Variants in YAP1 observed in about 807,000 individuals in gnomAD.
The protein encoded by YAP1 is Yes1 associated transcriptional regulator.
YAP1 carries 5 observed loss-of-function variants against 56.9 expected under a neutral mutation model. The observed-to-expected ratio is 0.09, with a 90% CI of 0.05 to 0.18. The LOEUF is 0.18. Ranked by LOEUF, YAP1 falls within the 10% of genes least tolerant of loss-of-function variation. The probability of loss-of-function intolerance (pLI) is 1.00; values close to 1 mark genes in which losing one functional copy is unlikely to be tolerated. For missense variants in YAP1, 539 were observed against 651.8 expected, an observed-to-expected ratio of 0.83 and a Z score of 1.88; for synonymous variants, 265 against 248.1, an observed-to-expected ratio of 1.07 and a Z score of -0.64.
intron 2 of YAP1, among the ~76,000 whole-genome samples, chr11:102,129,639 A>T (rs943989997): frequency 8.5e-5 from 11 of 129,508 alleles, no homozygotes; most frequent in Non-Finnish European, 1.4e-4. Flanking sequence ...AAAAAAAAAA[A>T]ATTTACCCAT....
In YAP1 at chr11:102,130,143, G is replaced by A. The variant is rs964722320; in HGVS notation, c.572+15749G>A. ...GCACCATATAGCAGTCAGAGAAGAGGGTTTTCTGAGTCATAAATATTGACT... is the reference window on the plus strand; with the variant it reads ...GCACCATATAGCAGTCAGAGAAGAGAGTTTTCTGAGTCATAAATATTGACT... On this transcript the variant is annotated intron_variant, in intron 2 of 8. Coordinates refer to ENST00000282441, the MANE Select transcript of YAP1 (RefSeq NM_001130145.3). Among the ~76,000 whole-genome samples, 11 of 151,720 alleles carry A rather than the reference G, an allele frequency of 7.3e-5. No homozygotes were observed. In the East Asian group the frequency reaches 1.2e-3, roughly 16 times the overall value.
chr11:102,196,654 A>C (rs1390940997), intron 4 of YAP1, among the ~76,000 whole-genome samples: 1 of 149,938 alleles, frequency 6.7e-6, no homozygotes, highest in East Asian at 1.9e-4. Context: ...GAAGTGATGA[A>C]AATGTTCTGA....
intron 2 of YAP1, among the ~76,000 whole-genome samples, chr11:102,155,035 C>T (rs1945861600): frequency 6.6e-6 from 1 of 152,142 alleles, no homozygotes; most frequent in African/African-American, 2.4e-5. Context: ...TAATGGTGGC[C>T]TGTTATATAT....
chr11:102,129,795 CTT>C (rs773044206), intron 2 of YAP1, among the ~76,000 whole-genome samples: 32 of 102,044 alleles, frequency 3.1e-4, no homozygotes, highest in African/African-American at 6.8e-4. Flanking sequence ...GGAAGCAAAA[CTT>C]TTTTTTTTTT....
In YAP1 at chr11:102,133,090, A is replaced by T. The variant is rs1046108773; in HGVS notation, c.572+18696A>T. Among the ~76,000 whole-genome samples, 3 of 152,192 alleles carry T rather than the reference A, an allele frequency of 2.0e-5. No homozygotes were observed. The East Asian group carries it at 5.8e-4, about 29-fold the overall frequency. ...GGAGAATCACTTGAACCAGAGAGTT[A>T]GAGGTTGCAGTGAGCCAAGATGGCG... On this transcript the variant is annotated intron_variant, in intron 2 of 8. Transcript: ENST00000282441.
At position 102,231,233 on chromosome 11, in the gene YAP1, A is replaced by G. The variant is rs1412465738; in HGVS notation, c.*1293A>G. The G allele has an allele frequency of 6.6e-6, 1 of 152,256 alleles. No homozygotes were observed. Among genetic ancestry groups the G allele is most frequent in the African/African-American group, 2.4e-5 (1 of 41,472 alleles). The allele number at this position is 152,256 out of a possible 1,614,324, so 9.4% of individuals were successfully genotyped here. ...ATTGGAATTCAGTGAGTAGGTTCATAATGTGCATGACAGAAATAAGCTTTA... is the reference window on the plus strand; with the variant it reads ...ATTGGAATTCAGTGAGTAGGTTCATGATGTGCATGACAGAAATAAGCTTTA... On this transcript the variant is annotated 3_prime_UTR_variant, in exon 9 of 9. Transcript: ENST00000282441.
intron 3 of YAP1, among the ~76,000 whole-genome samples, chr11:102,181,009 G>T (rs940122373): frequency 6.6e-6 from 1 of 151,980 alleles, no homozygotes; most frequent in South Asian, 2.1e-4. Context: ...ATAGCTGAGC[G>T]TGGTGGTGTG....
intron 2 of YAP1, among the ~76,000 whole-genome samples, chr11:102,153,838 A>AT (rs1945797641): frequency 6.6e-6 from 1 of 151,038 alleles, no homozygotes; most frequent in Non-Finnish European, 1.5e-5. Flanking sequence ...ATTCCTCTCC[A>AT]TACAGAGGAA....
chr11:102,198,911 G>C (rs1458463284), intron 4 of YAP1, among the ~76,000 whole-genome samples: 1 of 151,940 alleles, frequency 6.6e-6, no homozygotes, highest in Non-Finnish European at 1.5e-5. Context: ...TTTCTATTTA[G>C]ACCTTGTAGG....
At chr11:102,210,057 A>G (rs1270324861) in intron 6 of YAP1, among the ~76,000 whole-genome samples, 1 of 152,166 alleles carries the variant, frequency 6.6e-6, no homozygotes, top group Non-Finnish European at 1.5e-5. Context: ...TCAGGAGAGT[A>G]TCTGCCTGGA....
chr11:102,218,478 A>G (rs1479735197), intron 6 of YAP1, among the ~76,000 whole-genome samples: 1 of 152,070 alleles, frequency 6.6e-6, no homozygotes, highest in Non-Finnish European at 1.5e-5. Context: ...ACAGCCTTCC[A>G]TTTTTCTTCT....
At chr11:102,227,391 C>A in intron 7 of YAP1, 78 bp from the exon 8 acceptor site, 1 of 944,670 alleles carries the variant, frequency 1.1e-6, no homozygotes, top group Non-Finnish European at 1.7e-6. Context: ...TATGTTGCTG[C>A]TCAGCAGGTG....
intron 2 of YAP1, among the ~76,000 whole-genome samples, chr11:102,148,653 ATTAT>A (rs1945458835): frequency 6.6e-6 from 1 of 152,140 alleles, no homozygotes; most frequent in African/African-American, 2.4e-5. Flanking sequence ...TTTTTAAGAT[ATTAT>A]TTCTCTTACT....
Position 102,110,914 on chromosome 11 carries a change from G to A in YAP1, c.66G>A (p.Gln22=), listed in dbSNP as rs1289245777. 1.4e-6 allele frequency: 2 copies of A among 1,434,082 alleles called. No homozygotes were observed. Among genetic ancestry groups the A allele is most frequent in the Admixed American group, 5.8e-5 (2 of 34,624 alleles). 88.8% of individuals were successfully genotyped at this position (1,434,082 alleles called of 1,614,324 possible). The stretch of plus-strand genomic sequence containing the variant: ...AGGGCCAAGGGCAGCCGCCTTCGCA[G>A]CCCCCGCAGGGGCAGGGCCCGCCGT... ...APQGQGQPPS[Q]PPQGQGPPSG... The change falls in exon 1 of 9, where the codon CAG becomes CAA. Residue 22 remains glutamine (Q), a synonymous_variant. Transcript: ENST00000282441.
intron 3 of YAP1, among the ~76,000 whole-genome samples, chr11:102,164,033 AAT>A: frequency 6.6e-6 from 1 of 151,294 alleles, no homozygotes. Context: ...CTTAAGTAAA[AAT>A]TTTTTTTTTT....
rs529196901 is a variant in YAP1 at position 102,116,181 on chromosome 11, T to C, written c.572+1787T>C. 1.2e-4 allele frequency among the ~76,000 whole-genome samples: 19 copies of C among 152,350 alleles called. No individual in the cohort carries two copies. The East Asian group carries it at 3.1e-3, about 25-fold the overall frequency. On this transcript the variant is annotated intron_variant, in intron 2 of 8. Coordinates refer to ENST00000282441, the MANE Select transcript of YAP1 (RefSeq NM_001130145.3). ...TGATTGAAAATATTTGGAAACAAAT[T>C]ACATCTGTATTGACTAATGTACAAA...
intron 4 of YAP1, 24 bp from the exon 5 acceptor site, chr11:102,205,869 A>ATTTTTT: frequency 2.9e-6 from 4 of 1,401,102 alleles, no homozygotes; most frequent in Non-Finnish European, 3.8e-6. Flanking sequence ...TTTAGGACAG[A>ATTTTTT]TTTTTTTTTT....
chr11:102,131,841 T>C (rs1944384327), intron 2 of YAP1, among the ~76,000 whole-genome samples: 1 of 152,210 alleles, frequency 6.6e-6, no homozygotes, highest in African/African-American at 2.4e-5. Flanking sequence ...TGTGGTATTA[T>C]AAATTTTGTT....
chr11:102,224,138 C>T (rs1950081843), intron 7 of YAP1, among the ~76,000 whole-genome samples: 1 of 152,218 alleles, frequency 6.6e-6, no homozygotes, highest in South Asian at 2.1e-4. Context: ...GAATTTTCCA[C>T]ATAGCTATTC....
Sources: gnomAD v4.1 joint callset for allele counts (sites outside exome capture counted in the v4.1 genomes callset) on GRCh38, gnomAD v4.1.1 for gene constraint, MANE v1.5 for transcripts, NCBI Gene and HGNC (gene_info 2026-07-23, HGNC 2026-07-21) for gene names.